Variants in RHOXF1 observed in about 807,000 individuals in gnomAD.
The protein encoded by RHOXF1 is PEPP subfamily gene 1.
In RHOXF1, 1 loss-of-function variant was observed where a neutral mutation model predicts 9.7. The observed-to-expected ratio is 0.10, with a 90% CI of 0.04 to 0.49. The LOEUF is 0.49. Ranked by LOEUF, RHOXF1 falls within the 20% of genes least tolerant of loss-of-function variation. The pLI, the probability that RHOXF1 is intolerant of heterozygous loss-of-function variation, is 0.95. For missense variants in RHOXF1, 179 were observed against 168.0 expected, an observed-to-expected ratio of 1.07 and a Z score of -0.36; for synonymous variants, 72 against 70.2, an observed-to-expected ratio of 1.03 and a Z score of -0.13.
At position 120,115,786 on chromosome X, in the gene RHOXF1, T is replaced by G; in HGVS notation, c.77A>C (p.Gln26Pro). The change falls in exon 1 of 3, where the codon CAG (glutamine) becomes CCG (proline). Residue 26 changes from glutamine (Q) to proline (P), a missense_variant. Transcript: ENST00000217999. ...TTCTGCGCTTGATGCTGCCCCCAGCTGAGGTGTGGGGCTTATTTTTACCTG... is the reference window on the plus strand; with the variant it reads ...TTCTGCGCTTGATGCTGCCCCCAGCGGAGGTGTGGGGCTTATTTTTACCTG... Reference protein sequence around the residue: ...VYQVKISPTPQLGAASSAEGH... With the variant: ...VYQVKISPTPPLGAASSAEGH... 8.3e-7 allele frequency: 1 copy of G among 1,206,510 alleles called. No homozygotes were observed. The highest frequency in any genetic ancestry group is 1.8e-5 in the South Asian group (1 of 56,779).
chrX:120,114,122 A>C (rs138506029), intron 1 of RHOXF1, among the ~76,000 whole-genome samples: 20 of 110,880 alleles, frequency 1.8e-4, no homozygotes, highest in African/African-American at 6.6e-4. Flanking sequence ...AAACCAGAAA[A>C]ACAAAAAACC....
chrX:120,114,360 C>T (rs1448267896), intron 1 of RHOXF1, among the ~76,000 whole-genome samples: 2 of 110,092 alleles, frequency 1.8e-5, no homozygotes, highest in South Asian at 7.8e-4. Context: ...ATCCCCCACT[C>T]AACAAAAACA....
chrX:120,112,850 C>CT lies in RHOXF1; in HGVS notation c.444+18dup, dbSNP rs782022008. On this transcript the variant is annotated intron_variant, in intron 2 of 2. Transcript: ENST00000217999. ...TTAGAATGGCTGTCCTCTCAAATTGCTTTTTCAAGTGTACTGACCCGCACT... is the reference window on the plus strand; with the variant it reads ...TTAGAATGGCTGTCCTCTCAAATTGCTTTTTTCAAGTGTACTGACCCGCACT... 7.1e-5 allele frequency: 83 copies of CT among 1,169,176 alleles called. 1 individual carries two copies. Among genetic ancestry groups the CT allele is most frequent in the Admixed American group, 4.4e-5 (2 of 45,235 alleles).
At chrX:120,112,460 TAATATATAATACA>T (rs2057271489) in intron 2 of RHOXF1, among the ~76,000 whole-genome samples, 4 of 67,395 alleles carry the variant, frequency 5.9e-5, no homozygotes, top group Non-Finnish European at 1.3e-4. Flanking sequence ...CACATATGTA[TAATATATAATACA>T]CATATATGTG....
At chrX:120,112,551 A>G (rs782743511) in intron 2 of RHOXF1, among the ~76,000 whole-genome samples, 28 of 56,465 alleles carry the variant, frequency 5.0e-4, no homozygotes, top group African/African-American at 2.0e-3. Context: ...ACATATATGT[A>G]TAATATATGT....
At chrX:120,115,436 T>A (rs1216666026) in intron 1 of RHOXF1, 29 bp downstream of exon 1, 7 of 1,060,295 alleles carry the variant, frequency 6.6e-6, no homozygotes, top group Middle Eastern at 2.6e-4. Context: ...AACTTGGAGA[T>A]CTCGTGGCTC....
At chrX:120,117,685 TAAGTGAGATC>T (rs1166565619), upstream of RHOXF1, 2 of 111,505 alleles carry the variant, frequency 1.8e-5, no homozygotes, top group East Asian at 5.6e-4. Context: ...TCCACTGGGC[TAAGTGAGATC>T]CTTGCGTTCT....
chrX:120,120,404 T>G (rs1283507942), upstream of RHOXF1: 1 of 111,833 alleles, frequency 8.9e-6, no homozygotes, highest in Non-Finnish European at 1.9e-5. Context: ...GCCCATGCAG[T>G]GTAAACATTA....
chrX:120,112,150 G>A (rs1463171057), intron 2 of RHOXF1, among the ~76,000 whole-genome samples: 2 of 109,985 alleles, frequency 1.8e-5, no homozygotes, highest in African/African-American at 6.6e-5. Context: ...GTGTTCTGTG[G>A]GTGAATTACT....
At position 120,115,461 on chromosome X, in the gene RHOXF1, T is replaced by C. The variant is rs2057289322; in HGVS notation, c.398+4A>G. The C allele has an allele frequency of 2.7e-6, 3 of 1,091,772 alleles. No individual in the cohort carries two copies. Among genetic ancestry groups the C allele is most frequent in the African/African-American group, 3.8e-5 (2 of 52,748 alleles). The allele number at this position is 1,091,772 out of a possible 1,213,427, so 90.0% of individuals were successfully genotyped here. A position where few individuals can be genotyped will look rare whatever the true frequency, so the allele number is the denominator to read the frequency against. ...TCTCGTGGCTCCTGGAGCAGGCCAC[T>C]TACCTTGTGGGCACATCAGGGTATT... On this transcript the variant is annotated splice_donor_region_variant and intron_variant, in intron 1 of 2. Coordinates refer to ENST00000217999, the MANE Select transcript of RHOXF1 (RefSeq NM_139282.3).
intron 2 of RHOXF1, among the ~76,000 whole-genome samples, chrX:120,112,452 C>T (rs61196774): frequency 4.4e-5 from 2 of 45,290 alleles, no homozygotes; most frequent in African/African-American, 7.9e-5. Flanking sequence ...ATATAATACA[C>T]ATATGTATAA....
chrX:120,111,177 C>T (rs2057263302), intron 2 of RHOXF1, among the ~76,000 whole-genome samples: 1 of 111,574 alleles, frequency 9.0e-6, no homozygotes, highest in South Asian at 3.8e-4. Context: ...AAGGAGAGAA[C>T]ATTATGTCGA....
chrX:120,112,212 G>A (rs2057267594), intron 2 of RHOXF1, among the ~76,000 whole-genome samples: 1 of 109,328 alleles, frequency 9.1e-6, no homozygotes, highest in Non-Finnish European at 1.9e-5. Flanking sequence ...GTTTATGCCT[G>A]GCCTTAAATA....
rs782390666 is a variant in RHOXF1, at chrX:120,115,579, C to T, written c.284G>A (p.Gly95Asp). ...PEEPAQAAME[G>D]PQPENMQPRT... ...TGGCTGCATGTTCTCGGGCTGCGGA[C>T]CCTCCATGGCCGCCTGGGCCGGCTC... The change falls in exon 1 of 3, where the codon GGT becomes GAT. Residue 95 changes from glycine (G) to aspartate (D), a missense_variant. By Grantham distance (94) the Gly-to-Asp change is moderately conservative. Coordinates refer to ENST00000217999, the MANE Select transcript of RHOXF1 (RefSeq NM_139282.3). 7.0e-6 allele frequency: 8 copies of T among 1,145,260 alleles called. No homozygotes were observed. The highest frequency in any genetic ancestry group is 9.3e-6 in the Non-Finnish European group (8 of 864,411). 94.4% of individuals were successfully genotyped at this position (1,145,260 alleles called of 1,213,427 possible). A position where few individuals can be genotyped will look rare whatever the true frequency, so the allele number is the denominator to read the frequency against.
upstream of RHOXF1, chrX:120,115,913 TG>T (rs2057293468): frequency 9.1e-7 from 1 of 1,101,763 alleles, no homozygotes; most frequent in Non-Finnish European, 1.2e-6. Context: ...GCAGCTGGAG[TG>T]GGGGTTAGAG....
In RHOXF1 at chrX:120,115,575, C is replaced by T. The variant is rs372797512; in HGVS notation, c.288G>A (p.Pro96=). The T allele has an allele frequency of 6.1e-6, 7 of 1,145,626 alleles. No individual in the cohort carries two copies. The highest frequency in any genetic ancestry group is 6.9e-6 in the Non-Finnish European group (6 of 864,762). The allele number at this position is 1,145,626 out of a possible 1,213,427, so 94.4% of individuals were successfully genotyped here. ...TTCGTGGCTGCATGTTCTCGGGCTGCGGACCCTCCATGGCCGCCTGGGCCG... is the reference window on the plus strand; with the variant it reads ...TTCGTGGCTGCATGTTCTCGGGCTGTGGACCCTCCATGGCCGCCTGGGCCG... ...EEPAQAAMEG[P]QPENMQPRTR... The change falls in exon 1 of 3, where the codon CCG becomes CCA. Residue 96 remains proline (P), a synonymous_variant. Transcript: ENST00000217999.
Position 120,112,522 on chromosome X carries a change from C to T in RHOXF1, c.444+347G>A, listed in dbSNP as rs782456024. On this transcript the variant is annotated intron_variant, in intron 2 of 2. Transcript: ENST00000217999. Reference sequence around the variant, plus strand: ...ACATATATGTATTATATATAATACACATATGTATTATATATAATACATATA... The same window carrying T: ...ACATATATGTATTATATATAATACATATATGTATTATATATAATACATATA... Among the ~76,000 whole-genome samples, 287 of 52,632 alleles carry T rather than the reference C, an allele frequency of 5.5e-3. 2 individuals are homozygous for T. Among genetic ancestry groups the T allele is most frequent in the African/African-American group, 0.024 (209 of 8,860 alleles). The allele number at this position is 52,632 out of a possible 115,157, so 45.7% of individuals were successfully genotyped here.
chrX:120,113,364 A>T (rs1664429241), intron 1 of RHOXF1, among the ~76,000 whole-genome samples: 1 of 110,169 alleles, frequency 9.1e-6, no homozygotes, highest in Non-Finnish European at 1.9e-5. Flanking sequence ...CTGGTCTCGA[A>T]CTCCTGCCCG....
At chrX:120,113,105 T>A (rs2057277867) in intron 1 of RHOXF1, among the ~76,000 whole-genome samples, 191 bp from the exon 2 acceptor site, 1 of 111,947 alleles carries the variant, frequency 8.9e-6, no homozygotes, top group Non-Finnish European at 1.9e-5. Context: ...TCACGAAATT[T>A]AAGGTGACGT....
Sources: allele counts gnomAD v4.1 joint callset (sites outside exome capture counted in the v4.1 genomes callset), GRCh38; gene constraint gnomAD v4.1.1; transcripts MANE v1.5; gene names NCBI Gene and HGNC (gene_info 2026-07-23, HGNC 2026-07-21).